INO80D: variants seen among roughly 807,000 people sequenced by gnomAD.
INO80D encodes the protein INO80 complex subunit D.
A neutral mutation model predicts 87.6 loss-of-function variants in INO80D; 21 were observed. The ratio of observed to expected loss-of-function variants is 0.24; its 90% CI spans 0.17 to 0.35. INO80D has a LOEUF of 0.35. Ranked by LOEUF, INO80D falls within the 10% of genes least tolerant of loss-of-function variation. The pLI, the probability that INO80D is intolerant of heterozygous loss-of-function variation, is 1.00. For synonymous variants in INO80D, 440 were observed against 491.0 expected (o/e 0.90, Z 1.37); for missense variants, 982 against 1,280.7 (o/e 0.77, Z 3.56).
intron 6 of INO80D, among the ~76,000 whole-genome samples, chr2:206,024,530 G>T (rs572141517): frequency 6.6e-6 from 1 of 151,888 alleles, no homozygotes; most frequent in South Asian, 2.1e-4. Context: ...ATTACATATG[G>T]TATATTAGAT....
chr2:206,061,792 A>C, intron 3 of INO80D, among the ~76,000 whole-genome samples: 1 of 152,192 alleles, frequency 6.6e-6, no homozygotes, highest in East Asian at 1.9e-4. Flanking sequence ...TTCCTTTCCA[A>C]CCAATTTATG....
chr2:206,016,251 T>A (rs961895997), intron 8 of INO80D, among the ~76,000 whole-genome samples: 2 of 152,236 alleles, frequency 1.3e-5, no homozygotes, highest in African/African-American at 4.8e-5. Flanking sequence ...ATGTGAGACA[T>A]GAAGTCAAAG....
intron 1 of INO80D, among the ~76,000 whole-genome samples, chr2:206,068,465 G>C (rs1218064985): frequency 2.0e-5 from 3 of 152,058 alleles, no homozygotes; most frequent in Non-Finnish European, 4.4e-5. Context: ...GTGGCCCACT[G>C]TCTGTTTTTG....
In INO80D at chr2:205,997,096, A is replaced by G. The variant is rs149454109; in HGVS notation, c.*7272T>C. 5 of 152,294 alleles carry G rather than the reference A, an allele frequency of 3.3e-5. No individual in the cohort carries two copies. The highest frequency in any genetic ancestry group is 4.8e-5 in the African/African-American group (2 of 41,578). 9.4% of individuals were successfully genotyped at this position (152,294 alleles called of 1,614,324 possible). On this transcript the variant is annotated 3_prime_UTR_variant, in exon 11 of 11. Coordinates refer to ENST00000403263, the MANE Select transcript of INO80D (RefSeq NM_017759.5). ...TCAGAAGTTGCTTTGACATATTTCA[A>G]AGTACATGATTTTTTAAGTATTAAA...
At chr2:206,038,954 A>G (rs753535662) in intron 5 of INO80D, among the ~76,000 whole-genome samples, 1 of 152,246 alleles carries the variant, frequency 6.6e-6, no homozygotes, top group Non-Finnish European at 1.5e-5. Context: ...GGGTAAGTCC[A>G]GAACCTATAA....
In INO80D at chr2:206,004,794, G is replaced by A. The variant is rs1172337610; in HGVS notation, c.2658C>T (p.Pro886=). 1.9e-6 allele frequency: 3 copies of A among 1,614,028 alleles called. No individual in the cohort carries two copies. The highest frequency in any genetic ancestry group is 2.5e-6 in the Non-Finnish European group (3 of 1,179,894). ...LEVPLGGVVN[P]RTHWGNLPVN... is the part of the protein sequence containing the mutation. ...CAGGGAGATTGCCCCAGTGAGTTCT[G>A]GGGTTTACCACGCCTCCAAGTGGCA... is the stretch of plus-strand genomic sequence containing the variant. Residue 886 remains proline, a synonymous_variant, in exon 11 of 11, where the codon CCC becomes CCT. Coordinates refer to ENST00000403263, the MANE Select transcript of INO80D (RefSeq NM_017759.5). This position sits in a 1 kb window ranked among gnomAD's most constrained non-coding sequence, Gnocchi z 4.9.
In INO80D at chr2:206,017,715, G is replaced by C; in HGVS notation, c.1507C>G (p.Gln503Glu). The C allele has an allele frequency of 1.2e-6, 2 of 1,610,366 alleles. No individual in the cohort carries two copies. Among genetic ancestry groups the C allele is most frequent in the Non-Finnish European group, 1.7e-6 (2 of 1,178,682 alleles). The change falls in exon 8 of 11, where the codon CAG becomes GAG. Residue 503 changes from glutamine (Q) to glutamate (E), a missense_variant. By Grantham distance (29) the Gln-to-Glu change is conservative (BLOSUM62 2). Coordinates refer to ENST00000403263, the MANE Select transcript of INO80D (RefSeq NM_017759.5). ...CSVPVFDITH[Q>E]TPLCEEHAKK... ...GCATGTTCTTCACACAGAGGTGTCT[G>C]ATGTGTAATGTCAAAAACTGGCACA...
At position 206,085,405 on chromosome 2, in the gene INO80D, C is replaced by T. The variant is rs1690419239; in HGVS notation, c.-124+496G>A. 6.6e-6 allele frequency: 1 copy of T among 152,038 alleles called. No individual in the cohort carries two copies. Among genetic ancestry groups the T allele is most frequent in the Non-Finnish European group, 1.5e-5 (1 of 68,004 alleles). 9.4% of individuals were successfully genotyped at this position (152,038 alleles called of 1,614,324 possible). A position where few individuals can be genotyped will look rare whatever the true frequency, so the allele number is the denominator to read the frequency against. ...CTCCCCACTCCTAGGCCCTGACGCC[C>T]CTGTCCCGGCAGCCCGGGCCTGCCG... On this transcript the variant is annotated intron_variant, in intron 1 of 10. Transcript: ENST00000403263. This position sits in a 1 kb window ranked among gnomAD's most constrained non-coding sequence, Gnocchi z 4.5.
chr2:206,032,241 G>C (rs2105841123), intron 5 of INO80D, among the ~76,000 whole-genome samples: 1 of 152,312 alleles, frequency 6.6e-6, no homozygotes, highest in Middle Eastern at 3.4e-3. Flanking sequence ...GGTGGGGAAA[G>C]AACCAAAGCC....
At chr2:206,048,408 C>T (rs1389897174) in intron 4 of INO80D, among the ~76,000 whole-genome samples, 2 of 151,936 alleles carry the variant, frequency 1.3e-5, no homozygotes, top group Non-Finnish European at 2.9e-5. Flanking sequence ...AATCTTTGTA[C>T]TTTTTGTAGA....
In INO80D at chr2:206,028,302, G is replaced by A; in HGVS notation, c.1107C>T (p.Ser369=). ...SDDDDAESRS[S]RVTQLCTYFQ... is the part of the protein sequence containing the mutation. ...AGTAAGTGCAAAGTTGAGTCACCCT[G>A]GAGCTCCTACTCTCCGCATCATCAT... The change falls in exon 6 of 11, where the codon TCC becomes TCT. Residue 369 remains serine (S), a synonymous_variant. Transcript: ENST00000403263. 1 of 1,608,478 alleles carries A rather than the reference G, an allele frequency of 6.2e-7. No individual in the cohort carries two copies. Among genetic ancestry groups the A allele is most frequent in the Non-Finnish European group, 8.5e-7 (1 of 1,175,470 alleles).
intron 5 of INO80D, among the ~76,000 whole-genome samples, chr2:206,034,138 G>A (rs1688835850): frequency 6.6e-6 from 1 of 152,106 alleles, no homozygotes; most frequent in African/African-American, 2.4e-5. Flanking sequence ...TCCAGGATCA[G>A]ACTTATTCAC....
At chr2:206,064,652 G>A (rs768779393) in intron 1 of INO80D, among the ~76,000 whole-genome samples, 6 of 152,194 alleles carry the variant, frequency 3.9e-5, no homozygotes, top group Non-Finnish European at 7.4e-5. Context: ...ATGATACAAA[G>A]CATCCAACAT....
At chr2:206,035,559 C>A (rs1688870868) in intron 5 of INO80D, among the ~76,000 whole-genome samples, 1 of 152,086 alleles carries the variant, frequency 6.6e-6, no homozygotes. Flanking sequence ...AAACCGGATC[C>A]TCTCACCTTA....
At chr2:206,039,261 G>A (rs1688971449) in intron 5 of INO80D, among the ~76,000 whole-genome samples, 1 of 152,004 alleles carries the variant, frequency 6.6e-6, no homozygotes, top group Non-Finnish European at 1.5e-5. Context: ...GCCAGGCGTG[G>A]TGGCGCATGC....
chr2:206,030,105 T>G (rs1688721415), intron 5 of INO80D, among the ~76,000 whole-genome samples: 1 of 152,152 alleles, frequency 6.6e-6, no homozygotes, highest in Non-Finnish European at 1.5e-5. Context: ...GATAAATATC[T>G]TTCACACAAG....
intron 5 of INO80D, among the ~76,000 whole-genome samples, chr2:206,037,777 A>G (rs933180542): frequency 4.6e-5 from 7 of 152,348 alleles, no homozygotes; most frequent in East Asian, 1.9e-4. Flanking sequence ...ACCGGCACTC[A>G]TATGTTGATA....
At chr2:206,055,034 T>C (rs770396417) in intron 4 of INO80D, among the ~76,000 whole-genome samples, 48 of 152,228 alleles carry the variant, frequency 3.2e-4, no homozygotes, top group Non-Finnish European at 5.3e-4. Context: ...CAACAATGGA[T>C]ATCATTTTTC....
chr2:206,032,279 A>C (rs1688789840), intron 5 of INO80D, among the ~76,000 whole-genome samples: 1 of 152,162 alleles, frequency 6.6e-6, no homozygotes. Flanking sequence ...GGAGGCAGGT[A>C]GCCTCGGACA....
Sources: gnomAD v4.1 joint callset for allele counts (sites outside exome capture counted in the v4.1 genomes callset) on GRCh38, gnomAD v4.1.1 for gene constraint, Gnocchi (gnomAD v3.1) non-coding constraint, MANE v1.5 for transcripts, NCBI Gene and HGNC (gene_info 2026-07-23, HGNC 2026-07-21) for gene names.